The following FSCN3 variants were observed in gnomAD, a reference collection of about 807,000 sequenced individuals.
FSCN3 encodes the protein fascin-3.
FSCN3 carries 43 observed loss-of-function variants against 53.5 expected under a neutral mutation model. The observed-to-expected ratio is 0.80, with a 90% CI of 0.63 to 1.04. FSCN3 has a LOEUF of 1.04. Among genes scored for constraint, FSCN3 ranks in the 50% least tolerant of loss-of-function variants. The pLI, the probability that FSCN3 is intolerant of heterozygous loss-of-function variation, is 0.00. For missense variants in FSCN3, 594 were observed against 646.5 expected, an observed-to-expected ratio of 0.92 and a Z score of 0.88; for synonymous variants, 235 against 246.6, an observed-to-expected ratio of 0.95 and a Z score of 0.44.
At chr7:127,600,475 G>T in intron 6 of FSCN3, 76 bp downstream of exon 6, 1 of 855,190 alleles carries the variant, frequency 1.2e-6, no homozygotes, top group East Asian at 2.5e-5. Flanking sequence ...TGGGTGGGGA[G>T]GCATGTGATG....
Position 127,600,334 on chromosome 7 carries a change from G to C in FSCN3, c.1432G>C (p.Asp478His), listed in dbSNP as rs141291522. 8.7e-6 allele frequency: 14 copies of C among 1,613,352 alleles called. No individual in the cohort carries two copies. Among genetic ancestry groups the C allele is most frequent in the Non-Finnish European group, 1.1e-5 (13 of 1,179,336 alleles). Residue 478 changes from aspartate to histidine, a missense_variant, in exon 6 of 7, where the codon GAC (aspartate) becomes CAC (histidine). Transcript: ENST00000265825. ...CCCCAATGGCTTCTACATGCGAGCC[G>C]ACCAAAGTGGCACCCTGTTGGCAGA... ...LAPNGFYMRA[D>H]QSGTLLADSE...
rs1291330653 is a variant in FSCN3, at chr7:127,595,404, C to T, written c.242C>T (p.Thr81Ile). Residue 81 changes from threonine (T) to isoleucine (I), a missense_variant, in exon 2 of 7, where the codon ACC (threonine) becomes ATC (isoleucine). Thr to Ile is a moderately conservative substitution (Grantham distance 89). Transcript: ENST00000265825. Reference sequence around the variant, plus strand: ...TACCTGCTGTGTGAGTGTGATGGCACCGTGTGTTATGGCCGCCCAAGGACC... The same window carrying T: ...TACCTGCTGTGTGAGTGTGATGGCATCGTGTGTTATGGCCGCCCAAGGACC... ...GLYLLCECDG[T>I]VCYGRPRTSH... 6.2e-7 allele frequency: 1 copy of T among 1,614,176 alleles called. No homozygotes were observed. Among genetic ancestry groups the T allele is most frequent in the East Asian group, 2.2e-5 (1 of 44,886 alleles).
intron 3 of FSCN3, 65 bp from the exon 4 acceptor site, chr7:127,598,370 T>A: frequency 6.8e-7 from 1 of 1,463,620 alleles, no homozygotes; most frequent in Non-Finnish European, 9.6e-7. Flanking sequence ...GGAATAAAAC[T>A]GATGGGAAGA....
In FSCN3 at chr7:127,595,646, A is replaced by G; in HGVS notation, c.484A>G (p.Thr162Ala). 1.9e-6 allele frequency: 3 copies of G among 1,612,840 alleles called. No individual in the cohort carries two copies. Among genetic ancestry groups the G allele is most frequent in the Non-Finnish European group, 2.5e-6 (3 of 1,179,508 alleles). Residue 162 changes from threonine to alanine, a missense_variant, in exon 2 of 7, where the codon ACT becomes GCT. Thr to Ala is a moderately conservative substitution (Grantham distance 58). Transcript: ENST00000265825. Reference protein sequence around the residue: ...IHRCYARADPTMGRIWVDAAV... With the variant: ...IHRCYARADPAMGRIWVDAAV... ...CCGCTGCTATGCCCGGGCTGACCCC[A>G]CTATGGGCCGCATCTGGGTGGACGC...
In FSCN3 at chr7:127,594,001, ACAAAG is replaced by A. The variant is rs779433080; in HGVS notation, c.144+9_144+13del. On this transcript the variant is annotated splice_donor_5th_base_variant and intron_variant, in intron 1 of 6. Coordinates refer to ENST00000265825, the MANE Select transcript of FSCN3 (RefSeq NM_020369.3). ...GAAGAGTTTGGGCAGGAGACAGGTG[ACAAAG>A]CAAACCCATGCTGGCACCAGTTTTC... 3 of 1,612,710 alleles carry A rather than the reference ACAAAG, an allele frequency of 1.9e-6. No individual in the cohort carries two copies. The highest frequency in any genetic ancestry group is 1.7e-5 in the Admixed American group (1 of 59,822).
At position 127,601,777 on chromosome 7, in the gene FSCN3, A is replaced by G. The variant is rs1052340897; in HGVS notation, c.*155A>G. On this transcript the variant is annotated 3_prime_UTR_variant, in exon 7 of 7. Coordinates refer to ENST00000265825, the MANE Select transcript of FSCN3 (RefSeq NM_020369.3). The stretch of plus-strand genomic sequence containing the variant: ...AAACACCTGTTTTATGCAACAATAC[A>G]TCACAACAGGCCACCCCCAAGATCC... 2 of 152,178 alleles carry G rather than the reference A, an allele frequency of 1.3e-5. No homozygotes were observed. 9.4% of individuals were successfully genotyped at this position (152,178 alleles called of 1,614,324 possible). A position where few individuals can be genotyped will look rare whatever the true frequency, so the allele number is the denominator to read the frequency against.
intron 6 of FSCN3, 45 bp downstream of exon 6, chr7:127,600,444 G>A: frequency 8.4e-7 from 1 of 1,188,042 alleles, no homozygotes; most frequent in Non-Finnish European, 1.3e-6. Flanking sequence ...CAGAAGCCAT[G>A]GGGCAAGAGG....
intron 5 of FSCN3, 40 bp from the exon 6 acceptor site, chr7:127,600,154 C>T (rs777889013): frequency 8.9e-7 from 1 of 1,121,706 alleles, no homozygotes; most frequent in East Asian, 2.3e-5. Flanking sequence ...GGAGGACTCC[C>T]CTGTGAATGG....
At chr7:127,600,948 T>C (rs1794465412) in intron 6 of FSCN3, among the ~76,000 whole-genome samples, 1 of 152,190 alleles carries the variant, frequency 6.6e-6, no homozygotes, top group Admixed American at 6.5e-5. Context: ...ACATAGCTGA[T>C]ATCAGCCTGC....
intron 3 of FSCN3, 129 bp from the exon 4 acceptor site, chr7:127,598,303 GCAT>G: frequency 1.2e-6 from 1 of 823,414 alleles, no homozygotes; most frequent in Non-Finnish European, 2.0e-6. Context: ...GGTTCTGAAA[GCAT>G]CAACTCTGGG....
intron 3 of FSCN3, among the ~76,000 whole-genome samples, chr7:127,598,196 C>T (rs2117431328): frequency 6.6e-6 from 1 of 152,250 alleles, no homozygotes; most frequent in African/African-American, 2.4e-5. Context: ...TATTTCTCTC[C>T]CTATGATATC....
At chr7:127,594,491 C>T (rs1554402198) in intron 1 of FSCN3, 12 of 470,960 alleles carry the variant, frequency 2.5e-5, no homozygotes, top group South Asian at 1.9e-4. Context: ...TTCCCCATCC[C>T]AGCACAGGGT....
At chr7:127,600,152 C>A in intron 5 of FSCN3, 42 bp from the exon 6 acceptor site, 1 of 1,085,200 alleles carries the variant, frequency 9.2e-7, no homozygotes, top group East Asian at 2.4e-5. Flanking sequence ...CTGGAGGACT[C>A]CCCTGTGAAT....
At position 127,595,553 on chromosome 7, in the gene FSCN3, T is replaced by C. The variant is rs199734381; in HGVS notation, c.391T>C (p.Ser131Pro). ...KDVFCTSHVL[S>P]AYHMWTPRPA... is the part of the protein sequence containing the mutation. ...CGTGTTTTGCACTTCCCACGTCCTC[T>C]CAGCTTACCACATGTGGACCCCCCG... The change falls in exon 2 of 7, where the codon TCA becomes CCA. Residue 131 changes from serine (S) to proline (P), a missense_variant. Transcript: ENST00000265825. The C allele has an allele frequency of 5.5e-5, 88 of 1,613,964 alleles. No individual in the cohort carries two copies. The highest frequency in any genetic ancestry group is 7.1e-5 in the Non-Finnish European group (84 of 1,179,978).
chr7:127,597,554 C>T (rs1290800484), intron 3 of FSCN3, among the ~76,000 whole-genome samples: 2 of 151,822 alleles, frequency 1.3e-5, no homozygotes, highest in African/African-American at 4.8e-5. Context: ...TCTCGGCTCA[C>T]CACAACCTCC....
chr7:127,595,047 G>A (rs1255959601), intron 1 of FSCN3: 1 of 576,826 alleles, frequency 1.7e-6, no homozygotes. Context: ...TCTGTTAGCT[G>A]AAGGAGGTAG....
At position 127,595,596 on chromosome 7, in the gene FSCN3, A is replaced by G. The variant is rs770748250; in HGVS notation, c.434A>G (p.His145Arg). Reference sequence around the variant, plus strand: ...ACCCCCCGACCAGCCCTCCATGTCCACGTGATCCTCTACAGCCCCATCCAC... The same window carrying G: ...ACCCCCCGACCAGCCCTCCATGTCCGCGTGATCCTCTACAGCCCCATCCAC... Reference protein sequence around the residue: ...MWTPRPALHVHVILYSPIHRC... With the variant: ...MWTPRPALHVRVILYSPIHRC... Residue 145 changes from histidine (H) to arginine (R), a missense_variant, in exon 2 of 7, where the codon CAC (histidine) becomes CGC (arginine). Coordinates refer to ENST00000265825, the MANE Select transcript of FSCN3 (RefSeq NM_020369.3). The G allele has an allele frequency of 4.3e-6, 7 of 1,613,814 alleles. No individual in the cohort carries two copies. Among genetic ancestry groups the G allele is most frequent in the African/African-American group, 4.0e-5 (3 of 74,824 alleles).
intron 1 of FSCN3, 104 bp from the exon 2 acceptor site, chr7:127,595,203 C>A: frequency 1.1e-6 from 1 of 925,500 alleles, no homozygotes; most frequent in Non-Finnish European, 1.6e-6. Flanking sequence ...GTGGCTGGTG[C>A]TGATGAAGGT....
chr7:127,594,558 A>G (rs150981463), intron 1 of FSCN3: 4 of 471,150 alleles, frequency 8.5e-6, no homozygotes, highest in African/African-American at 6.0e-5. Flanking sequence ...CAGAAAGAGG[A>G]GAAGTGGAGA....
Sources: allele counts gnomAD v4.1 joint callset (sites outside exome capture counted in the v4.1 genomes callset), GRCh38; gene constraint gnomAD v4.1.1; transcripts MANE v1.5; gene names NCBI Gene and HGNC (gene_info 2026-07-23, HGNC 2026-07-21).